ARHGEF11: variants seen among roughly 807,000 people sequenced by gnomAD.
The protein encoded by ARHGEF11 is Rho guanine exchange factor (GEF) 11.
In ARHGEF11, 55 loss-of-function variants were observed where a neutral mutation model predicts 193.7. The observed-to-expected ratio is 0.28, with a 90% confidence interval of 0.23 to 0.36. ARHGEF11 has a LOEUF of 0.36. ARHGEF11 is among the 10% of genes least tolerant of loss of function. The pLI is 1.00. For missense variants in ARHGEF11, 1,723 were observed against 2,005.6 expected (o/e 0.86, Z 2.69); for synonymous variants, 693 against 768.0 (o/e 0.90, Z 1.62).
intron 1 of ARHGEF11, among the ~76,000 whole-genome samples, chr1:157,020,372 T>G (rs1195753262): frequency 1.3e-5 from 2 of 152,208 alleles, no homozygotes; most frequent in Non-Finnish European, 2.9e-5. Context: ...TATTAGAAAC[T>G]AAACATTCCC....
chr1:156,977,110 T>G (rs954356710), intron 6 of ARHGEF11, 56 bp from the exon 7 acceptor site: 4 of 1,442,646 alleles, frequency 2.8e-6, no homozygotes, highest in African/African-American at 2.8e-5. Context: ...ACAGCTTAGC[T>G]CTCTTCTATC....
chr1:156,984,327 T>C lies in ARHGEF11; in HGVS notation c.223+12A>G. Reference sequence around the variant, plus strand: ...AACTGTCCACCGTGGGCAGGAGGGATGCAGCACTCACCAGGCCGCACAGAC... The same window carrying C: ...AACTGTCCACCGTGGGCAGGAGGGACGCAGCACTCACCAGGCCGCACAGAC... On this transcript the variant is annotated intron_variant, in intron 3 of 40. Coordinates refer to ENST00000368194, the MANE Select transcript of ARHGEF11 (RefSeq NM_198236.3). 6.4e-7 allele frequency: 1 copy of C among 1,573,440 alleles called. No individual in the cohort carries two copies. The highest frequency in any genetic ancestry group is 8.6e-7 in the Non-Finnish European group (1 of 1,158,326).
chr1:156,985,274 A>G (rs767092179), intron 2 of ARHGEF11, among the ~76,000 whole-genome samples: 22 of 152,200 alleles, frequency 1.4e-4, no homozygotes, highest in Non-Finnish European at 3.1e-4. Context: ...TAAAGATAAT[A>G]AAACCTAGTT....
chr1:156,948,392 C>G lies in ARHGEF11; in HGVS notation c.2032G>C (p.Asp678His), dbSNP rs761071101. The change falls in exon 23 of 41, where the codon GAC becomes CAC. Residue 678 changes from aspartate (D) to histidine (H), a missense_variant. Coordinates refer to ENST00000368194, the MANE Select transcript of ARHGEF11 (RefSeq NM_198236.3). This position sits in a 1 kb window ranked among gnomAD's most constrained non-coding sequence, Gnocchi z 4.2. ...ENVPRSRSDV[D>H]MDAAAEATRL... The stretch of plus-strand genomic sequence containing the variant: ...GTAGCCTCCGCAGCAGCATCCATGT[C>G]AACATCACTGCGAGAGCGGGGCACG... The G allele has an allele frequency of 6.2e-7, 1 of 1,614,234 alleles. No individual in the cohort carries two copies. Among genetic ancestry groups the G allele is most frequent in the South Asian group, 1.1e-5 (1 of 91,082 alleles).
Position 156,971,800 on chromosome 1 carries a change from T to C in ARHGEF11, c.599A>G (p.Tyr200Cys). The C allele has an allele frequency of 6.2e-7, 1 of 1,613,444 alleles. No homozygotes were observed. Among genetic ancestry groups the C allele is most frequent in the Non-Finnish European group, 8.5e-7 (1 of 1,179,914 alleles). The change falls in exon 8 of 41, where the codon TAT becomes TGT. Residue 200 changes from tyrosine to cysteine, a missense_variant. Transcript: ENST00000368194. The stretch of plus-strand genomic sequence containing the variant: ...CAGTAGGCTGGCGGGGTTCCGGCTA[T>C]AGACCTCACAGATACGCTAGGGATG... ...EKELQRICEVYSRNPASLLEE... is the reference protein window; with the variant it reads ...EKELQRICEVCSRNPASLLEE...
chr1:156,963,357 G>C (rs566056279), intron 12 of ARHGEF11, 53 bp from the exon 13 acceptor site: 1 of 1,555,846 alleles, frequency 6.4e-7, no homozygotes, highest in East Asian at 2.2e-5. Flanking sequence ...CAGCACAGCG[G>C]GTTCCAGCTT....
chr1:156,957,365 AGAAAGGAACTAT>A (rs1269648931), intron 18 of ARHGEF11, among the ~76,000 whole-genome samples: 6 of 152,250 alleles, frequency 3.9e-5, no homozygotes, highest in Non-Finnish European at 7.3e-5. Context: ...ACATGTGCCA[AGAAAGGAACTAT>A]GCTGCACCCC....
chr1:156,963,828 T>C (rs1661325202), intron 11 of ARHGEF11: 1 of 1,287,358 alleles, frequency 7.8e-7, no homozygotes, highest in Non-Finnish European at 1.0e-6. Context: ...CCTGGTCACA[T>C]GACATATGAA....
At chr1:156,962,854 C>T (rs1279568025) in intron 13 of ARHGEF11, among the ~76,000 whole-genome samples, 1 of 123,538 alleles carries the variant, frequency 8.1e-6, no homozygotes, top group Non-Finnish European at 1.6e-5. Flanking sequence ...ACTCCAGCCT[C>T]GGCGACAGTG....
chr1:156,940,367 C>G lies in ARHGEF11; in HGVS notation c.3573G>C (p.Glu1191Asp). The G allele has an allele frequency of 6.2e-7, 1 of 1,613,552 alleles. No individual in the cohort carries two copies. The highest frequency in any genetic ancestry group is 8.5e-7 in the Non-Finnish European group (1 of 1,179,640). The change falls in exon 36 of 41, where the codon GAG becomes GAC. Residue 1191 changes from glutamate to aspartate, a missense_variant. Glu to Asp is a conservative substitution (Grantham distance 45). Transcript: ENST00000368194. ...CCTCTTCCTCTGCACTGCCCTCCTG[C>G]TCAGGGTCCTCTAGCAGGACCTGGT... ...GKHQVLLEDP[E>D]QEGSAEEEEL...
At chr1:157,046,690 C>T (rs879332138), upstream of ARHGEF11, among the ~76,000 whole-genome samples, 7 of 152,140 alleles carry the variant, frequency 4.6e-5, no homozygotes, top group Non-Finnish European at 1.0e-4. Context: ...TTCATAACCC[C>T]CTCTCATAGA....
intron 3 of ARHGEF11, among the ~76,000 whole-genome samples, chr1:156,980,833 CGGGG>C (rs60219718): frequency 0.083 from 2,792 of 33,704 alleles, 161 homozygotes; most frequent in Middle Eastern, 0.25. Flanking sequence ...AGTTATATTC[CGGGG>C]GGGGGGGGGG....
chr1:156,991,430 C>T (rs570806808), intron 1 of ARHGEF11, among the ~76,000 whole-genome samples: 2 of 152,186 alleles, frequency 1.3e-5, no homozygotes, highest in South Asian at 2.1e-4. Context: ...AGTGATCCTC[C>T]TGCCTTAGCC....
chr1:156,988,039 T>A (rs908441750), intron 1 of ARHGEF11, among the ~76,000 whole-genome samples: 1 of 152,190 alleles, frequency 6.6e-6, no homozygotes, highest in African/African-American at 2.4e-5. Flanking sequence ...GGGAGAACAG[T>A]CATCTGGCCT....
chr1:156,982,176 C>G (rs1188660534), intron 3 of ARHGEF11, among the ~76,000 whole-genome samples: 2 of 151,982 alleles, frequency 1.3e-5, no homozygotes, highest in Non-Finnish European at 2.9e-5. Flanking sequence ...CGTGAGGTGA[C>G]TTCTAATAAC....
chr1:156,981,201 A>T (rs1175590624), intron 3 of ARHGEF11, among the ~76,000 whole-genome samples: 2 of 134,084 alleles, frequency 1.5e-5, no homozygotes, highest in Non-Finnish European at 3.2e-5. Flanking sequence ...CTGGCTAATT[A>T]AAAAAAAAAA....
At chr1:157,038,593 C>T (rs184517878) in intron 1 of ARHGEF11, among the ~76,000 whole-genome samples, 1 of 152,212 alleles carries the variant, frequency 6.6e-6, no homozygotes, top group Non-Finnish European at 1.5e-5. Context: ...CCTGTCTTTA[C>T]TAGGTTAAGA....
chr1:157,000,238 T>C (rs916601193), intron 1 of ARHGEF11, among the ~76,000 whole-genome samples: 9 of 152,216 alleles, frequency 5.9e-5, no homozygotes, highest in African/African-American at 2.2e-4. Context: ...GCTTGGATTA[T>C]AGGTATGATC....
Position 156,941,708 on chromosome 1 carries a change from A to C in ARHGEF11, c.3452+156T>G, listed in dbSNP as rs538195842. 5.9e-5 allele frequency among the ~76,000 whole-genome samples: 9 copies of C among 152,308 alleles called. No homozygotes were observed. In the South Asian group the frequency reaches 1.9e-3, roughly 32 times the overall value. On this transcript the variant is annotated intron_variant, in intron 34 of 40. Transcript: ENST00000368194. ...GGGACAAGAAGCAGGGACAGGGGGC[A>C]TGTTCCTCCATCTGCCAGCACTTGG...
Sources: allele counts gnomAD v4.1 joint callset (sites outside exome capture counted in the v4.1 genomes callset), GRCh38; gene constraint gnomAD v4.1.1; non-coding constraint Gnocchi (gnomAD v3.1); transcripts MANE v1.5; gene names NCBI Gene and HGNC (gene_info 2026-07-23, HGNC 2026-07-21).